The following CDC25C variants were observed in gnomAD, a reference collection of about 807,000 sequenced individuals.
The protein encoded by CDC25C is M-phase inducer phosphatase 3.
A neutral mutation model predicts 52.5 loss-of-function variants in CDC25C; 48 were observed. The ratio of observed to expected loss-of-function variants is 0.91; its 90% CI spans 0.72 to 1.16. The LOEUF (loss-of-function observed/expected upper bound fraction) is 1.16, where lower values mean the gene tolerates loss of function less well. Ranked by LOEUF, CDC25C falls within the 50% of genes most tolerant of loss-of-function variation. The pLI, the probability that CDC25C is intolerant of heterozygous loss-of-function variation, is 0.00. For missense variants in CDC25C, 510 were observed against 566.1 expected, an observed-to-expected ratio of 0.90 and a Z score of 1.01; for synonymous variants, 187 against 206.5, an observed-to-expected ratio of 0.91 and a Z score of 0.81.
chr5:138,309,840 G>T (rs1285297196), intron 7 of CDC25C, among the ~76,000 whole-genome samples: 1 of 150,918 alleles, frequency 6.6e-6, no homozygotes, highest in Non-Finnish European at 1.5e-5. Context: ...CCAAGTAGCT[G>T]GGATTACAGG....
chr5:138,331,511 C>T (rs11567957), intron 1 of CDC25C, 84 bp downstream of exon 1: 7 of 1,051,696 alleles, frequency 6.7e-6, no homozygotes, highest in African/African-American at 4.9e-5. Flanking sequence ...GCCCTCCCAA[C>T]CTCTGTCTGT....
upstream of CDC25C, chr5:138,333,613 G>T (rs1253214541): frequency 1.3e-5 from 2 of 152,202 alleles, no homozygotes; most frequent in East Asian, 3.8e-4. Context: ...ATCACACTTT[G>T]TGGGAAATTG....
At chr5:138,328,110 G>C (rs1337303805) in intron 4 of CDC25C, among the ~76,000 whole-genome samples, 1 of 152,110 alleles carries the variant, frequency 6.6e-6, no homozygotes, top group African/African-American at 2.4e-5. Flanking sequence ...CAACTGATCC[G>C]CCTGCCTTGG....
intron 7 of CDC25C, among the ~76,000 whole-genome samples, chr5:138,317,700 A>AC (rs1758997600): frequency 6.6e-6 from 1 of 150,706 alleles, no homozygotes; most frequent in South Asian, 2.1e-4. Context: ...AAAAAAAAAA[A>AC]AAAAAAACCA....
At chr5:138,317,989 T>A (rs1371167744) in intron 7 of CDC25C, among the ~76,000 whole-genome samples, 2 of 152,200 alleles carry the variant, frequency 1.3e-5, no homozygotes, top group Non-Finnish European at 2.9e-5. Context: ...GTAAGAAGAT[T>A]TCTGTAGTGA....
At position 138,285,390 on chromosome 5, in the gene CDC25C, G is replaced by T. The variant is rs138254117; in HGVS notation, c.*302C>A. On this transcript the variant is annotated 3_prime_UTR_variant, in exon 14 of 14. Coordinates refer to ENST00000323760, the MANE Select transcript of CDC25C (RefSeq NM_001790.5). The stretch of plus-strand genomic sequence containing the variant: ...ATAGCCCGAAGCCCAGAGAGAAAGA[G>T]TTGGCTGGCTTGTGAGAAGACATGA... The T allele has an allele frequency of 3.2e-6, 1 of 308,048 alleles. No individual in the cohort carries two copies. The highest frequency in any genetic ancestry group is 6.6e-5 in the East Asian group (1 of 15,068). 19.1% of individuals were successfully genotyped at this position (308,048 alleles called of 1,614,324 possible).
intron 6 of CDC25C, among the ~76,000 whole-genome samples, chr5:138,323,743 A>G (rs969682649): frequency 6.6e-6 from 1 of 151,866 alleles, no homozygotes; most frequent in Non-Finnish European, 1.5e-5. Context: ...GGTGGATCAC[A>G]AGGTCAGGAG....
chr5:138,337,153 T>C (rs1405341065), intron 1 of CDC25C: 1 of 152,212 alleles, frequency 6.6e-6, no homozygotes, highest in Non-Finnish European at 1.5e-5. Flanking sequence ...GTTTAAAGCC[T>C]CTCCTTTATC....
chr5:138,286,490 C>T lies in CDC25C; in HGVS notation c.1160+7G>A. ...CATCACCCGCCAGACCCCATTTAGA[C>T]ACTCACATTCGGGGGCCCCTCTCTG... On this transcript the variant is annotated splice_region_variant and intron_variant, in intron 12 of 13. Coordinates refer to ENST00000323760, the MANE Select transcript of CDC25C (RefSeq NM_001790.5). 1.2e-6 allele frequency: 2 copies of T among 1,608,128 alleles called. No individual in the cohort carries two copies. The highest frequency in any genetic ancestry group is 1.7e-6 in the Non-Finnish European group (2 of 1,176,922).
At chr5:138,308,275 AG>A (rs2126741410) in intron 7 of CDC25C, among the ~76,000 whole-genome samples, 1 of 152,356 alleles carries the variant, frequency 6.6e-6, no homozygotes, top group Non-Finnish European at 1.5e-5. Context: ...AGACTATGAA[AG>A]ATCTTCAATC....
chr5:138,308,432 C>T (rs1758199449), intron 7 of CDC25C, among the ~76,000 whole-genome samples: 1 of 152,128 alleles, frequency 6.6e-6, no homozygotes, highest in South Asian at 2.1e-4. Context: ...TAAGTTAATA[C>T]CAGCTGAGAC....
At chr5:138,331,459 A>G in intron 1 of CDC25C, 136 bp downstream of exon 1, 1 of 668,862 alleles carries the variant, frequency 1.5e-6, no homozygotes, top group Non-Finnish European at 2.2e-6. Context: ...ACTCCTGACT[A>G]GAAAGAACCC....
chr5:138,286,063 T>C lies in CDC25C; in HGVS notation c.1231A>G (p.Ile411Val). Residue 411 changes from isoleucine (I) to valine (V), a missense_variant, in exon 13 of 14, where the codon ATC (isoleucine) becomes GTC (valine). Physicochemically the swap from Ile to Val is conservative, Grantham distance 29. Transcript: ENST00000323760. ...AAGTCTCTGTAGCCGCCTTTAAGGA[T>C]ATATAGCTCTGGGTAGTACAATGCA... ...YPALYYPELYILKGGYRDFFP... is the reference protein window; with the variant it reads ...YPALYYPELYVLKGGYRDFFP... The C allele has an allele frequency of 1.9e-6, 3 of 1,613,928 alleles. No individual in the cohort carries two copies. The highest frequency in any genetic ancestry group is 2.5e-6 in the Non-Finnish European group (3 of 1,179,838).
Position 138,285,295 on chromosome 5 carries a change from A to C in CDC25C, c.*397T>G. The C allele has an allele frequency of 5.3e-6, 1 of 188,942 alleles. No individual in the cohort carries two copies. The highest frequency in any genetic ancestry group is 1.1e-5 in the Non-Finnish European group (1 of 91,332). 11.7% of individuals were successfully genotyped at this position (188,942 alleles called of 1,614,324 possible). On this transcript the variant is annotated 3_prime_UTR_variant, in exon 14 of 14. Transcript: ENST00000323760. ...CTCATTCTGTAGTGTTTATTTTTCCATTTTTAAAAAAGAAAGAGGGGGAAA... is the reference window on the plus strand; with the variant it reads ...CTCATTCTGTAGTGTTTATTTTTCCCTTTTTAAAAAAGAAAGAGGGGGAAA...
At chr5:138,300,281 A>G (rs1757533559) in intron 7 of CDC25C, among the ~76,000 whole-genome samples, 1 of 152,220 alleles carries the variant, frequency 6.6e-6, no homozygotes, top group African/African-American at 2.4e-5. Flanking sequence ...GATCAATAAA[A>G]TAAATGACAA....
At chr5:138,305,993 A>G (rs1054498967) in intron 7 of CDC25C, among the ~76,000 whole-genome samples, 1 of 152,196 alleles carries the variant, frequency 6.6e-6, no homozygotes, top group African/African-American at 2.4e-5. Flanking sequence ...AGCACAGTCT[A>G]TCTAGCAGCA....
chr5:138,300,400 C>A (rs1047084993), intron 7 of CDC25C, among the ~76,000 whole-genome samples: 3 of 151,908 alleles, frequency 2.0e-5, no homozygotes, highest in Non-Finnish European at 2.9e-5. Context: ...GCTGTCTCTA[C>A]AAAAATACAA....
exon 1 of CDC25C, chr5:138,338,232 CT>C: frequency 8.2e-7 from 1 of 1,222,370 alleles, no homozygotes. Context: ...GCGCCAGCGC[CT>C]TTTAAGGGCA....
chr5:138,289,605 A>G, intron 9 of CDC25C, 42 bp from the exon 10 acceptor site: 1 of 1,524,840 alleles, frequency 6.6e-7, no homozygotes, highest in Admixed American at 1.7e-5. Flanking sequence ...AGTATTCCAC[A>G]CCCAAGTTTG....
Sources: gnomAD v4.1 joint callset for allele counts (sites outside exome capture counted in the v4.1 genomes callset) on GRCh38, gnomAD v4.1.1 for gene constraint, MANE v1.5 for transcripts, NCBI Gene and HGNC (gene_info 2026-07-23, HGNC 2026-07-21) for gene names.